ATP6V1A: variants seen among roughly 807,000 people sequenced by gnomAD.
The protein encoded by ATP6V1A is ATPase H+ transporting V1 subunit A.
A neutral mutation model predicts 70.1 loss-of-function variants in ATP6V1A; 18 were observed. That is an observed-to-expected ratio of 0.26 (90% CI 0.18 to 0.38). The LOEUF is 0.38. Among genes scored for constraint, ATP6V1A ranks in the 10% least tolerant of loss-of-function variants. The probability of loss-of-function intolerance (pLI) is 1.00; values close to 1 mark genes in which losing one functional copy is unlikely to be tolerated. For missense variants in ATP6V1A, 424 were observed against 772.4 expected (o/e 0.55, Z 5.35); for synonymous variants, 232 against 253.8 (o/e 0.91, Z 0.82).
At chr3:113,787,630 G>T (rs1709051613) in intron 6 of ATP6V1A, among the ~76,000 whole-genome samples, 1 of 152,136 alleles carries the variant, frequency 6.6e-6, no homozygotes, top group Non-Finnish European at 1.5e-5. Context: ...CACAGGAATA[G>T]ATCTCCCAGC....
intron 2 of ATP6V1A, among the ~76,000 whole-genome samples, chr3:113,779,577 C>T (rs925916985): frequency 5.9e-5 from 9 of 152,080 alleles, no homozygotes; most frequent in African/African-American, 1.7e-4. Flanking sequence ...TTGATGTTTA[C>T]GCAAATGAAG....
chr3:113,795,797 CATTT>C, intron 10 of ATP6V1A, 75 bp from the exon 11 acceptor site: 1 of 1,109,144 alleles, frequency 9.0e-7, no homozygotes, highest in Non-Finnish European at 1.3e-6. Flanking sequence ...AAAAAGTTAA[CATTT>C]ATATATATGT....
At chr3:113,801,714 A>AGCAGCAGACCATGTTGC (rs1306159770) in intron 12 of ATP6V1A, among the ~76,000 whole-genome samples, 2 of 152,326 alleles carry the variant, frequency 1.3e-5, no homozygotes, top group East Asian at 3.9e-4. Flanking sequence ...GAGAGCTGGA[A>AGCAGCAGACCATGTTGC]GCAGCAGACC....
intron 8 of ATP6V1A, among the ~76,000 whole-genome samples, chr3:113,793,914 T>A (rs1709125543): frequency 6.6e-6 from 1 of 152,118 alleles, no homozygotes; most frequent in Non-Finnish European, 1.5e-5. Context: ...TTTCCTAATA[T>A]CTTAGTGTTT....
chr3:113,805,725 C>T (rs1335816116), intron 14 of ATP6V1A, among the ~76,000 whole-genome samples, 200 bp downstream of exon 14: 5 of 152,058 alleles, frequency 3.3e-5, no homozygotes, highest in African/African-American at 7.2e-5. Flanking sequence ...CGTGCCAGCA[C>T]GCCCAGCTAA....
In ATP6V1A at chr3:113,809,930, A is replaced by T. The variant is rs1269673765; in HGVS notation, c.*503A>T. 1 of 152,302 alleles carries T rather than the reference A, an allele frequency of 6.6e-6. No homozygotes were observed. Among genetic ancestry groups the T allele is most frequent in the East Asian group, 1.9e-4 (1 of 5,210 alleles). 9.4% of individuals were successfully genotyped at this position (152,302 alleles called of 1,614,324 possible). On this transcript the variant is annotated 3_prime_UTR_variant, in exon 15 of 15. Coordinates refer to ENST00000273398, the MANE Select transcript of ATP6V1A (RefSeq NM_001690.4). The stretch of plus-strand genomic sequence containing the variant: ...CTTTGCAGGAAATATTTAATTTTCA[A>T]AAACATAATGATTAATGTTCCAATT...
chr3:113,785,372 G>A (rs767438809), intron 5 of ATP6V1A, among the ~76,000 whole-genome samples: 3 of 152,002 alleles, frequency 2.0e-5, no homozygotes, highest in Admixed American at 1.3e-4. Flanking sequence ...CCTAGGAGGC[G>A]GAGGTTGCAG....
intron 2 of ATP6V1A, among the ~76,000 whole-genome samples, chr3:113,779,989 G>C (rs1261089645): frequency 6.6e-6 from 1 of 152,070 alleles, no homozygotes; most frequent in African/African-American, 2.4e-5. Context: ...CCCCACGTGC[G>C]TTAGGTATTT....
intron 1 of ATP6V1A, among the ~76,000 whole-genome samples, chr3:113,760,653 G>A (rs542018339): frequency 2.6e-5 from 4 of 152,098 alleles, no homozygotes; most frequent in South Asian, 2.1e-4. Flanking sequence ...GCATAAACCC[G>A]GGAGTTTGGA....
In ATP6V1A at chr3:113,783,485, T is replaced by C. The variant is rs547364496; in HGVS notation, c.212-739T>C. Among the ~76,000 whole-genome samples, 27 of 152,358 alleles carry C rather than the reference T, an allele frequency of 1.8e-4. No individual in the cohort carries two copies. The South Asian group carries it at 4.3e-3, about 25-fold the overall frequency. On this transcript the variant is annotated intron_variant, in intron 3 of 14. Transcript: ENST00000273398. ...ATTTTAGGTTTTGTCCAAGTACTAA[T>C]ACCCTTATTAGGGGACTGATATTCC...
chr3:113,765,804 G>C (rs1708763584), intron 1 of ATP6V1A, among the ~76,000 whole-genome samples: 1 of 150,288 alleles, frequency 6.7e-6, no homozygotes, highest in Non-Finnish European at 1.5e-5. Context: ...GCACGTACCT[G>C]TAATCCCAGC....
intron 8 of ATP6V1A, among the ~76,000 whole-genome samples, chr3:113,791,601 A>T (rs1243339414): frequency 6.6e-6 from 1 of 152,144 alleles, no homozygotes; most frequent in Non-Finnish European, 1.5e-5. Context: ...GGAATTCTTC[A>T]TGGTAACTTG....
In ATP6V1A at chr3:113,803,053, A is replaced by G. The variant is rs934943100; in HGVS notation, c.1495-530A>G. ...GATGAATCCATAAACAAAATGTGGT[A>G]TATATATATATACAATGAGATATTA... On this transcript the variant is annotated intron_variant, in intron 12 of 14. Transcript: ENST00000273398. Among the ~76,000 whole-genome samples, 13 of 151,928 alleles carry G rather than the reference A, an allele frequency of 8.6e-5. No homozygotes were observed. In the East Asian group the frequency reaches 1.5e-3, roughly 18 times the overall value.
chr3:113,805,615 C>A, intron 14 of ATP6V1A, 90 bp downstream of exon 14: 1 of 1,302,456 alleles, frequency 7.7e-7, no homozygotes, highest in Non-Finnish European at 1.1e-6. Flanking sequence ...TGTTGCGAGG[C>A]TGGAGTGCAG....
At chr3:113,765,592 C>T (rs891372121) in intron 1 of ATP6V1A, among the ~76,000 whole-genome samples, 1 of 146,034 alleles carries the variant, frequency 6.8e-6, no homozygotes, top group African/African-American at 2.6e-5. Flanking sequence ...GCAACAAGAG[C>T]AAAACTCCAT....
In ATP6V1A at chr3:113,805,307, T is replaced by A. The variant is rs763809433; in HGVS notation, c.1590-47T>A. The A allele has an allele frequency of 4.5e-6, 7 of 1,563,104 alleles. No individual in the cohort carries two copies. In the South Asian group the frequency reaches 6.8e-5, roughly 15 times the overall value. On this transcript the variant is annotated intron_variant, in intron 13 of 14. Transcript: ENST00000273398. ...TAGTTTTATATAAAGTATGAACCTG[T>A]TTTGGAGTTTATTTTTGTTAATTTT...
At chr3:113,807,939 T>C (rs937316299) in intron 14 of ATP6V1A, among the ~76,000 whole-genome samples, 1 of 152,070 alleles carries the variant, frequency 6.6e-6, no homozygotes, top group Non-Finnish European at 1.5e-5. Flanking sequence ...TAGACCAGCC[T>C]GACCAACATG....
At chr3:113,808,494 A>G (rs991393255) in intron 14 of ATP6V1A, among the ~76,000 whole-genome samples, 2 of 151,846 alleles carry the variant, frequency 1.3e-5, no homozygotes, top group African/African-American at 4.8e-5. Context: ...GGGTTTCACC[A>G]TGTTGGCCAG....
chr3:113,808,130 GAA>G (rs1246331874), intron 14 of ATP6V1A, among the ~76,000 whole-genome samples: 2 of 117,136 alleles, frequency 1.7e-5, no homozygotes, highest in Non-Finnish European at 3.6e-5. Flanking sequence ...AACTCTGTCT[GAA>G]AAAAAAAAAA....
Sources: allele counts gnomAD v4.1 joint callset (sites outside exome capture counted in the v4.1 genomes callset), GRCh38; gene constraint gnomAD v4.1.1; transcripts MANE v1.5; gene names NCBI Gene and HGNC (gene_info 2026-07-23, HGNC 2026-07-21).